The following TBC1D16 variants were observed in gnomAD, a reference collection of about 807,000 sequenced individuals.
TBC1D16 encodes the protein TBC1 domain family member 16.
In TBC1D16, 58 loss-of-function variants were observed where a neutral mutation model predicts 74.7. The observed-to-expected ratio is 0.78, with a 90% confidence interval of 0.63 to 0.97. The LOEUF (loss-of-function observed/expected upper bound fraction) is 0.97, where lower values mean the gene tolerates loss of function less well. Among genes scored for constraint, TBC1D16 ranks in the 50% least tolerant of loss-of-function variants. The pLI, the probability that TBC1D16 is intolerant of heterozygous loss-of-function variation, is 0.00. For synonymous variants in TBC1D16, 493 were observed against 474.7 expected (o/e 1.04, Z -0.50); for missense variants, 1,014 against 1,079.5 (o/e 0.94, Z 0.85).
chr17:79,936,348 C>G lies in TBC1D16; in HGVS notation c.*4511G>C, dbSNP rs559758710. The G allele has an allele frequency of 6.6e-6, 1 of 152,242 alleles. No homozygotes were observed. The highest frequency in any genetic ancestry group is 2.4e-5 in the African/African-American group (1 of 41,452). 9.4% of individuals were successfully genotyped at this position (152,242 alleles called of 1,614,324 possible). Reference sequence around the variant, plus strand: ...TCCGTCCTGAGCTCGCTGCCCCTCACGATGCACACGGCTGATGGCTGAGGT... The same window carrying G: ...TCCGTCCTGAGCTCGCTGCCCCTCAGGATGCACACGGCTGATGGCTGAGGT... On this transcript the variant is annotated 3_prime_UTR_variant, in exon 12 of 12. Coordinates refer to ENST00000310924, the MANE Select transcript of TBC1D16 (RefSeq NM_019020.4).
chr17:80,027,722 T>A (rs1022791947), intron 1 of TBC1D16, among the ~76,000 whole-genome samples: 2 of 151,014 alleles, frequency 1.3e-5, no homozygotes, highest in Non-Finnish European at 3.0e-5. Flanking sequence ...CGAAACCCCG[T>A]CTCTACTAGA....
chr17:79,974,446 C>A (rs1014965955), intron 3 of TBC1D16, among the ~76,000 whole-genome samples: 1 of 152,240 alleles, frequency 6.6e-6, no homozygotes. Context: ...CCATGCTGCC[C>A]AGGCTGGTCT....
intron 3 of TBC1D16, among the ~76,000 whole-genome samples, chr17:80,004,011 C>T (rs576371777): frequency 1.3e-4 from 20 of 152,304 alleles, no homozygotes; most frequent in Admixed American, 7.2e-4. Context: ...ATTGTGCTGC[C>T]GCCACCGTAT....
In TBC1D16 at chr17:79,950,493, A is replaced by C; in HGVS notation, c.1175T>G (p.Met392Arg). 6.2e-7 allele frequency: 1 copy of C among 1,612,018 alleles called. No homozygotes were observed. Among genetic ancestry groups the C allele is most frequent in the Non-Finnish European group, 8.5e-7 (1 of 1,179,676 alleles). Residue 392 changes from methionine (M) to arginine (R), a missense_variant, in exon 6 of 12, where the codon ATG (methionine) becomes AGG (arginine). Met to Arg is a moderately conservative substitution (Grantham distance 91). Coordinates refer to ENST00000310924, the MANE Select transcript of TBC1D16 (RefSeq NM_019020.4). The surrounding 1 kb of genome is among the most constrained non-coding windows in gnomAD (Gnocchi z 4.6). ...GGCGGAGACGCCGAGCCTCTTGTACATGCTCTCCTCGGGGTGCGTCTCGGA... is the reference window on the plus strand; with the variant it reads ...GGCGGAGACGCCGAGCCTCTTGTACCTGCTCTCCTCGGGGTGCGTCTCGGA... The part of the protein sequence containing the change: ...PSSETHPEES[M>R]YKRLGVSAWL...
At chr17:79,966,100 C>T (rs1309739951) in intron 3 of TBC1D16, among the ~76,000 whole-genome samples, 1 of 152,184 alleles carries the variant, frequency 6.6e-6, no homozygotes, top group Non-Finnish European at 1.5e-5. Context: ...TTGAGTCCCC[C>T]CAGCTTCGGG....
chr17:80,018,682 T>C (rs1003307349), intron 1 of TBC1D16, among the ~76,000 whole-genome samples: 3 of 149,284 alleles, frequency 2.0e-5, no homozygotes, highest in Non-Finnish European at 2.9e-5. Flanking sequence ...GCTCACTGTA[T>C]TCTGAAACTC....
chr17:80,023,070 C>T (rs144962677), intron 1 of TBC1D16, among the ~76,000 whole-genome samples: 3 of 150,354 alleles, frequency 2.0e-5, no homozygotes, highest in Admixed American at 6.5e-5. Flanking sequence ...GTGACAAACA[C>T]GTGTGTGAGA....
rs565118263 is a variant in TBC1D16, at chr17:79,977,125, C to T, written c.780-24307G>A. Among the ~76,000 whole-genome samples the T allele has an allele frequency of 7.2e-4, 109 of 152,338 alleles. 2 individuals are homozygous for T. In the South Asian group the frequency reaches 0.021, roughly 30 times the overall value. On this transcript the variant is annotated intron_variant, in intron 3 of 11. Coordinates refer to ENST00000310924, the MANE Select transcript of TBC1D16 (RefSeq NM_019020.4). ...GTGATCCGTCCACCAGAATATCCTA[C>T]TTTGCCTGGGTCATTTCACGCCTTC... is the stretch of plus-strand genomic sequence containing the variant.
At position 79,983,395 on chromosome 17, in the gene TBC1D16, A is replaced by G. The variant is rs1275983635; in HGVS notation, c.779+26765T>C. ...CTGTCCCTCTGCACCAAAGGTGTGCACAGAAGCTGTCAAGGTGACATCATT... is the reference window on the plus strand; with the variant it reads ...CTGTCCCTCTGCACCAAAGGTGTGCGCAGAAGCTGTCAAGGTGACATCATT... On this transcript the variant is annotated intron_variant, in intron 3 of 11. Transcript: ENST00000310924. The surrounding 1 kb of genome is among the most constrained non-coding windows in gnomAD (Gnocchi z 5.6). Among the ~76,000 whole-genome samples the G allele has an allele frequency of 6.6e-6, 1 of 152,208 alleles. No homozygotes were observed. Among genetic ancestry groups the G allele is most frequent in the Non-Finnish European group, 1.5e-5 (1 of 68,036 alleles).
At position 79,965,432 on chromosome 17, in the gene TBC1D16, CA is replaced by C. The variant is rs558530340; in HGVS notation, c.780-12615del. ...CTGTGTTTCTTTTAATATTATAAAA[CA>C]AAAAAATAATAATTTAGAAAAGAAA... On this transcript the variant is annotated intron_variant, in intron 3 of 11. Transcript: ENST00000310924. Among the ~76,000 whole-genome samples, 55 of 152,048 alleles carry C rather than the reference CA, an allele frequency of 3.6e-4. No homozygotes were observed. The East Asian group carries it at 9.6e-3, about 27-fold the overall frequency.
Position 79,979,129 on chromosome 17 carries a change from A to G in TBC1D16, c.780-26311T>C, listed in dbSNP as rs927767593. Among the ~76,000 whole-genome samples, 1 of 152,236 alleles carries G rather than the reference A, an allele frequency of 6.6e-6. No individual in the cohort carries two copies. Among genetic ancestry groups the G allele is most frequent in the African/African-American group, 2.4e-5 (1 of 41,460 alleles). On this transcript the variant is annotated intron_variant, in intron 3 of 11. Transcript: ENST00000310924. The surrounding 1 kb of genome is among the most constrained non-coding windows in gnomAD (Gnocchi z 4.8). ...TGGGCTCCACGCTCTCAGCCTGTCC[A>G]TCAGCAGCACACCTGGGAGATTCTG...
chr17:79,950,878 C>G lies in TBC1D16; in HGVS notation c.1090-300G>C. 6.6e-7 allele frequency: 1 copy of G among 1,505,576 alleles called. No individual in the cohort carries two copies. The highest frequency in any genetic ancestry group is 8.9e-7 in the Non-Finnish European group (1 of 1,128,016). The allele number at this position is 1,505,576 out of a possible 1,614,324, so 93.3% of individuals were successfully genotyped here. ...TGAATGCCTCGTTCGGCCTAACTTC[C>G]CTCTGCCGGGAGGGCCTGCAATGAA... On this transcript the variant is annotated intron_variant, in intron 5 of 11. Transcript: ENST00000310924. This position sits in a 1 kb window ranked among gnomAD's most constrained non-coding sequence, Gnocchi z 4.6.
Position 79,951,451 on chromosome 17 carries a change from T to C in TBC1D16, c.1088A>G (p.Gln363Arg). Residue 363 changes from glutamine to arginine, a missense_variant and splice_region_variant, in exon 5 of 12, where the codon CAG becomes CGG. Transcript: ENST00000310924. ...KYCTEMQLKD[Q>R]QVAPDKTCMQ... ...TTCTGGGGCCGTCTGCTGGGCTACCTGGTCTTTGAGCTGCATCTCGGTGCA... is the reference window on the plus strand; with the variant it reads ...TTCTGGGGCCGTCTGCTGGGCTACCCGGTCTTTGAGCTGCATCTCGGTGCA... 6.2e-7 allele frequency: 1 copy of C among 1,612,964 alleles called. No homozygotes were observed. Among genetic ancestry groups the C allele is most frequent in the Non-Finnish European group, 8.5e-7 (1 of 1,179,566 alleles).
At chr17:79,995,952 A>T (rs900774694) in intron 3 of TBC1D16, among the ~76,000 whole-genome samples, 1 of 152,214 alleles carries the variant, frequency 6.6e-6, no homozygotes, top group East Asian at 1.9e-4. Context: ...TGAAAAAAAG[A>T]ACTACAGACT....
chr17:79,942,922 G>A (rs2032154999), intron 10 of TBC1D16, among the ~76,000 whole-genome samples: 2 of 152,272 alleles, frequency 1.3e-5, no homozygotes, highest in South Asian at 4.1e-4. Context: ...GCTGTGTGCA[G>A]CAGGAAGCCC....
intron 3 of TBC1D16, among the ~76,000 whole-genome samples, chr17:80,005,978 C>T (rs2035659239): frequency 1.3e-5 from 2 of 152,120 alleles, no homozygotes; most frequent in South Asian, 4.1e-4. Context: ...TCTTCAGATC[C>T]ACCACTAGAG....
At position 79,958,779 on chromosome 17, in the gene TBC1D16, G is replaced by A. The variant is rs540505838; in HGVS notation, c.780-5961C>T. 3.3e-5 allele frequency among the ~76,000 whole-genome samples: 5 copies of A among 152,322 alleles called. No homozygotes were observed. The East Asian group carries it at 5.8e-4, about 18-fold the overall frequency. On this transcript the variant is annotated intron_variant, in intron 3 of 11. Transcript: ENST00000310924. Reference sequence around the variant, plus strand: ...TAAAGGCACCCACAGATATTCCACCGTTAGCGTCATACTGAATGGTAAAAG... The same window carrying A: ...TAAAGGCACCCACAGATATTCCACCATTAGCGTCATACTGAATGGTAAAAG...
rs548375749 is a variant in TBC1D16 at position 79,950,975 on chromosome 17, C to G, written c.1090-397G>C. Reference sequence around the variant, plus strand: ...GGGAGCCAGCCTGTCAGATTGCCTCCGCGAGCAGTCACGAATCCAGGGCAA... The same window carrying G: ...GGGAGCCAGCCTGTCAGATTGCCTCGGCGAGCAGTCACGAATCCAGGGCAA... On this transcript the variant is annotated intron_variant, in intron 5 of 11. Coordinates refer to ENST00000310924, the MANE Select transcript of TBC1D16 (RefSeq NM_019020.4). This position sits in a 1 kb window ranked among gnomAD's most constrained non-coding sequence, Gnocchi z 4.6. 1.1e-6 allele frequency: 1 copy of G among 877,434 alleles called. No individual in the cohort carries two copies. The highest frequency in any genetic ancestry group is 2.8e-5 in the East Asian group (1 of 35,606). The allele number at this position is 877,434 out of a possible 1,614,324, so 54.4% of individuals were successfully genotyped here.
chr17:79,991,250 T>G (rs953513865), intron 3 of TBC1D16, among the ~76,000 whole-genome samples: 6 of 152,218 alleles, frequency 3.9e-5, no homozygotes, highest in Non-Finnish European at 7.3e-5. Flanking sequence ...CAAAGCAGGC[T>G]GCATCTGGCT....
Sources: gnomAD v4.1 joint callset for allele counts (sites outside exome capture counted in the v4.1 genomes callset) on GRCh38, gnomAD v4.1.1 for gene constraint, Gnocchi (gnomAD v3.1) non-coding constraint, MANE v1.5 for transcripts, NCBI Gene and HGNC (gene_info 2026-07-23, HGNC 2026-07-21) for gene names.